The following TAFA4 variants were observed in gnomAD, a reference collection of about 807,000 sequenced individuals.
TAFA4 encodes the protein TAFA chemokine like family member 4, also known as chemokine-like protein TAFA-4.
Under a neutral mutation model 21.1 loss-of-function variants are expected in TAFA4, and 20 were observed. That is an observed-to-expected ratio of 0.95 (90% CI 0.67 to 1.38). TAFA4 has a LOEUF of 1.38. Among genes scored for constraint, TAFA4 ranks in the 40% most tolerant of loss-of-function variants. The pLI is 0.00. For missense variants in TAFA4, 211 were observed against 180.9 expected (o/e 1.17, Z -0.95); for synonymous variants, 71 against 67.4 (o/e 1.05, Z -0.26).
At chr3:68,878,045 G>C (rs751576321) in intron 3 of TAFA4, among the ~76,000 whole-genome samples, 10 of 152,152 alleles carry the variant, frequency 6.6e-5, no homozygotes, top group Non-Finnish European at 2.9e-5. Context: ...ACCAGAATTA[G>C]GTTTGACTTT....
At chr3:68,909,279 G>A (rs147867962) in intron 1 of TAFA4, among the ~76,000 whole-genome samples, 4 of 152,206 alleles carry the variant, frequency 2.6e-5, no homozygotes, top group South Asian at 4.1e-4. Flanking sequence ...GCAACCCACC[G>A]GGCAGAATTA....
At chr3:68,774,087 G>A (rs912505493) in intron 3 of TAFA4, among the ~76,000 whole-genome samples, 15 of 152,098 alleles carry the variant, frequency 9.9e-5, no homozygotes, top group Non-Finnish European at 2.2e-4. Context: ...CATTAGAGAG[G>A]CTAACAATAA....
intron 3 of TAFA4, among the ~76,000 whole-genome samples, chr3:68,768,556 A>C (rs932377289): frequency 2.0e-5 from 3 of 152,214 alleles, no homozygotes; most frequent in African/African-American, 4.8e-5. Flanking sequence ...AAAAAATTAA[A>C]AATAGAAGAC....
intron 3 of TAFA4, among the ~76,000 whole-genome samples, chr3:68,874,385 A>C (rs1186748120): frequency 6.6e-6 from 1 of 152,092 alleles, no homozygotes; most frequent in Non-Finnish European, 1.5e-5. Flanking sequence ...GGAAAATACA[A>C]AACGTCATTT....
chr3:68,891,096 C>G (rs1408365275), intron 1 of TAFA4, among the ~76,000 whole-genome samples: 1 of 152,162 alleles, frequency 6.6e-6, no homozygotes, highest in African/African-American at 2.4e-5. Flanking sequence ...TGGAAAACAG[C>G]TGCACTTCTG....
intron 3 of TAFA4, among the ~76,000 whole-genome samples, chr3:68,790,286 AAAG>A (rs1340605282): frequency 4.6e-5 from 7 of 152,156 alleles, no homozygotes; most frequent in African/African-American, 1.7e-4. Context: ...AAAGAAAAAA[AAAG>A]AAGCATAAAA....
chr3:68,823,147 T>C (rs936745871), intron 3 of TAFA4, among the ~76,000 whole-genome samples: 1 of 152,174 alleles, frequency 6.6e-6, no homozygotes, highest in Non-Finnish European at 1.5e-5. Flanking sequence ...GATTCAAACC[T>C]GAGGTCTTCA....
At chr3:68,846,476 CGGA>C (rs1704800305) in intron 3 of TAFA4, among the ~76,000 whole-genome samples, 1 of 151,942 alleles carries the variant, frequency 6.6e-6, no homozygotes, top group African/African-American at 2.4e-5. Flanking sequence ...TCCTTTAGCT[CGGA>C]GGAGTCTGTT....
chr3:68,803,485 G>T (rs973265713), intron 3 of TAFA4, among the ~76,000 whole-genome samples: 5 of 152,106 alleles, frequency 3.3e-5, no homozygotes, highest in African/African-American at 1.2e-4. Flanking sequence ...TGAAAGCCAT[G>T]ATCAGACATG....
chr3:68,794,264 C>T (rs905629072), intron 3 of TAFA4, among the ~76,000 whole-genome samples: 1 of 152,150 alleles, frequency 6.6e-6, no homozygotes, highest in Admixed American at 6.5e-5. Context: ...TCTACTTATC[C>T]TTCCTGAAGA....
chr3:68,775,685 C>G (rs1458250493), intron 3 of TAFA4, among the ~76,000 whole-genome samples: 1 of 152,060 alleles, frequency 6.6e-6, no homozygotes, highest in Non-Finnish European at 1.5e-5. Flanking sequence ...ATATTGACCA[C>G]AAGTAGCAAC....
At chr3:68,770,943 A>G (rs1265773886) in intron 3 of TAFA4, among the ~76,000 whole-genome samples, 4 of 152,172 alleles carry the variant, frequency 2.6e-5, no homozygotes, top group Non-Finnish European at 4.4e-5. Context: ...GAGGGCACAC[A>G]CACAAGCGGC....
In TAFA4 at chr3:68,806,825, A is replaced by G. The variant is rs191340007; in HGVS notation, c.131-53807T>C. 3.0e-3 allele frequency among the ~76,000 whole-genome samples: 464 copies of G among 152,260 alleles called. 1 individual carries two copies. Among genetic ancestry groups the G allele is most frequent in the African/African-American group, 0.011 (444 of 41,562 alleles). On this transcript the variant is annotated intron_variant, in intron 3 of 5. Transcript: ENST00000295569. ...TCTGCAGTCTGCCACCTAAAATCTG[A>G]CCATGCTAGAACCTAATCTTGGCTT...
intron 1 of TAFA4, among the ~76,000 whole-genome samples, chr3:68,888,672 G>A (rs2089698416): frequency 2.0e-5 from 3 of 152,104 alleles, no homozygotes; most frequent in South Asian, 4.1e-4. Context: ...CAAGGTGCCA[G>A]CATCTGGTGA....
At chr3:68,894,007 C>G (rs1343219267) in intron 1 of TAFA4, among the ~76,000 whole-genome samples, 1 of 152,054 alleles carries the variant, frequency 6.6e-6, no homozygotes, top group Non-Finnish European at 1.5e-5. Context: ...ATAACACTAT[C>G]ACACTAAATA....
At chr3:68,807,949 G>T (rs1703739533) in intron 3 of TAFA4, among the ~76,000 whole-genome samples, 1 of 152,142 alleles carries the variant, frequency 6.6e-6, no homozygotes, top group Non-Finnish European at 1.5e-5. Flanking sequence ...ACAGATTATT[G>T]TATGTGTCTT....
intron 3 of TAFA4, among the ~76,000 whole-genome samples, chr3:68,842,339 T>TGTC (rs2106895856): frequency 6.6e-6 from 1 of 152,162 alleles, no homozygotes; most frequent in Non-Finnish European, 1.5e-5. Context: ...GCCACATCAA[T>TGTC]GTCTTCTTTT....
chr3:68,734,850 A>G (rs755564765), intron 5 of TAFA4, among the ~76,000 whole-genome samples: 16 of 152,134 alleles, frequency 1.1e-4, no homozygotes, highest in Non-Finnish European at 1.8e-4. Flanking sequence ...TTCTGGATCT[A>G]TCAGTCTACA....
intron 3 of TAFA4, among the ~76,000 whole-genome samples, chr3:68,758,365 G>A (rs1219364135): frequency 6.6e-6 from 1 of 152,230 alleles, no homozygotes; most frequent in African/African-American, 2.4e-5. Context: ...GGAGGGACCT[G>A]ATGGGAGGTA....
Sources: gnomAD v4.1 joint callset for allele counts (sites outside exome capture counted in the v4.1 genomes callset) on GRCh38, gnomAD v4.1.1 for gene constraint, MANE v1.5 for transcripts, NCBI Gene and HGNC (gene_info 2026-07-23, HGNC 2026-07-21) for gene names.